The following PCDH7 variants were observed in gnomAD, a reference collection of about 807,000 sequenced individuals.
PCDH7 encodes the protein protocadherin 7.
In PCDH7, 17 loss-of-function variants were observed where a neutral mutation model predicts 58.9. The ratio of observed to expected loss-of-function variants is 0.29; its 90% CI spans 0.20 to 0.43. The LOEUF (loss-of-function observed/expected upper bound fraction) is 0.43. PCDH7 is among the 20% of genes least tolerant of loss of function. The pLI is 1.00. For missense variants in PCDH7, 1,274 were observed against 1,441.0 expected (o/e 0.88, Z 1.88); for synonymous variants, 664 against 616.4 (o/e 1.08, Z -1.14).
At chr4:30,867,771 A>G (rs983621107) in intron 1 of PCDH7, among the ~76,000 whole-genome samples, 1 of 152,076 alleles carries the variant, frequency 6.6e-6, no homozygotes, top group Non-Finnish European at 1.5e-5. Flanking sequence ...ACCTGAGGGG[A>G]AAATAGCATT....
At chr4:30,852,610 A>G (rs1020629987) in intron 1 of PCDH7, among the ~76,000 whole-genome samples, 4 of 151,974 alleles carry the variant, frequency 2.6e-5, no homozygotes, top group African/African-American at 7.2e-5. Context: ...ATTGAATCAT[A>G]ATGGTCCTTC....
At chr4:30,945,815 C>G (rs1316695872) in intron 2 of PCDH7, among the ~76,000 whole-genome samples, 2 of 152,102 alleles carry the variant, frequency 1.3e-5, no homozygotes, top group African/African-American at 4.8e-5. Context: ...TCCTTCTCTC[C>G]GTGTTGCCAA....
intron 3 of PCDH7, among the ~76,000 whole-genome samples, chr4:30,978,190 A>G (rs2109106253): frequency 1.3e-5 from 2 of 152,316 alleles, no homozygotes; most frequent in South Asian, 4.1e-4. Flanking sequence ...CATCTTATAA[A>G]CGAATCGGTA....
chr4:31,126,497 T>A (rs1313980970), intron 3 of PCDH7, among the ~76,000 whole-genome samples: 1 of 152,060 alleles, frequency 6.6e-6, no homozygotes, highest in South Asian at 2.1e-4. Flanking sequence ...GTTTTGGAGG[T>A]TATAGTACTA....
At chr4:30,866,373 ACAGATGCTTAGT>A (rs1734879603) in intron 1 of PCDH7, among the ~76,000 whole-genome samples, 1 of 152,112 alleles carries the variant, frequency 6.6e-6, no homozygotes, top group South Asian at 2.1e-4. Flanking sequence ...ATTTAAGGAA[ACAGATGCTTAGT>A]CAGCTTGTGT....
chr4:30,786,237 A>G (rs1181967532), intron 1 of PCDH7, among the ~76,000 whole-genome samples: 1 of 152,094 alleles, frequency 6.6e-6, no homozygotes, highest in Non-Finnish European at 1.5e-5. Context: ...TAATGATTGC[A>G]TTAAGAGACT....
chr4:30,940,164 T>A (rs1406814739), intron 2 of PCDH7, among the ~76,000 whole-genome samples: 2 of 151,996 alleles, frequency 1.3e-5, no homozygotes, highest in African/African-American at 4.8e-5. Flanking sequence ...TATTGAAATA[T>A]GTTTAGCCTC....
At chr4:30,766,422 T>G (rs1322828912) in intron 1 of PCDH7, among the ~76,000 whole-genome samples, 2 of 152,112 alleles carry the variant, frequency 1.3e-5, no homozygotes, top group Non-Finnish European at 2.9e-5. Flanking sequence ...TACTATTATT[T>G]TTTCTTTTGT....
intron 1 of PCDH7, among the ~76,000 whole-genome samples, chr4:30,881,332 C>T (rs1288008863): frequency 6.6e-6 from 1 of 151,906 alleles, no homozygotes; most frequent in African/African-American, 2.4e-5. Context: ...GGTGATAGAG[C>T]AAGACTCCAT....
intron 2 of PCDH7, among the ~76,000 whole-genome samples, chr4:30,926,614 GT>G (rs1294603645): frequency 6.6e-6 from 1 of 152,068 alleles, no homozygotes; most frequent in Non-Finnish European, 1.5e-5. Context: ...TTTCCAGTTA[GT>G]TTTTTTTCTT....
chr4:31,057,802 T>C (rs115212361), intron 3 of PCDH7, among the ~76,000 whole-genome samples: 2,868 of 152,180 alleles, frequency 0.019, 83 homozygotes, highest in African/African-American at 0.065. Flanking sequence ...TAAATACATA[T>C]AGCACAATCA....
At chr4:30,908,204 T>C (rs925889106) in intron 1 of PCDH7, among the ~76,000 whole-genome samples, 3 of 143,186 alleles carry the variant, frequency 2.1e-5, no homozygotes, top group Non-Finnish European at 3.0e-5. Flanking sequence ...GTAACAAACC[T>C]GCACATTGTG....
chr4:30,831,312 A>G (rs1203620520), intron 1 of PCDH7, among the ~76,000 whole-genome samples: 2 of 152,168 alleles, frequency 1.3e-5, no homozygotes, highest in Admixed American at 6.6e-5. Context: ...CCCACTCCAG[A>G]AAAGGAGCCT....
chr4:30,967,309 A>G (rs1034998668), intron 3 of PCDH7, among the ~76,000 whole-genome samples: 9 of 152,160 alleles, frequency 5.9e-5, no homozygotes, highest in Non-Finnish European at 1.2e-4. Flanking sequence ...GACTAATTAT[A>G]AAAGAGCCTA....
At chr4:30,840,808 T>C (rs1731113254) in intron 1 of PCDH7, among the ~76,000 whole-genome samples, 1 of 152,096 alleles carries the variant, frequency 6.6e-6, no homozygotes, top group Non-Finnish European at 1.5e-5. Flanking sequence ...AACTCTTCTG[T>C]TTATTTATGA....
chr4:30,905,622 A>G (rs1022028474), intron 1 of PCDH7, among the ~76,000 whole-genome samples: 3 of 152,186 alleles, frequency 2.0e-5, no homozygotes, highest in Non-Finnish European at 1.5e-5. Context: ...CAAGTGCTTA[A>G]TAAGTCTCTG....
At position 30,721,658 on chromosome 4, in the gene PCDH7, A is replaced by G. The variant is rs1349493682; in HGVS notation, c.236A>G (p.Asn79Ser). The G allele has an allele frequency of 6.2e-7, 1 of 1,613,898 alleles. No homozygotes were observed. The highest frequency in any genetic ancestry group is 2.2e-5 in the East Asian group (1 of 44,852). ...GGTTCCGAGTACCTGAAGATCGACA[A>G]CCTCACTGGCGAGCTGAGCACGAGC... The change falls in exon 1 of 2, where the codon AAC becomes AGC. Residue 79 changes from asparagine to serine, a missense_variant. Around this residue, in one of 3 missense-constraint regions of PCDH7, gnomAD observed 212 missense variants for 255.8 expected, o/e 0.83. Transcript: ENST00000361762. This position sits in a 1 kb window ranked among gnomAD's most constrained non-coding sequence, Gnocchi z 6.7.
chr4:30,993,569 C>T (rs1751630673), intron 3 of PCDH7, among the ~76,000 whole-genome samples: 1 of 152,076 alleles, frequency 6.6e-6, no homozygotes, highest in African/African-American at 2.4e-5. Context: ...CAAAAAACAG[C>T]ATTGCCATAT....
At chr4:30,960,222 A>G (rs1170843317) in intron 3 of PCDH7, among the ~76,000 whole-genome samples, 2 of 151,342 alleles carry the variant, frequency 1.3e-5, no homozygotes, top group Non-Finnish European at 2.9e-5. Flanking sequence ...CCCCAGTGCA[A>G]TTTGGAGATG....
Sources: gnomAD v4.1 joint callset for allele counts (sites outside exome capture counted in the v4.1 genomes callset) on GRCh38, gnomAD v4.1.1 for gene constraint, gnomAD v4.1.1 regional missense constraint, Gnocchi (gnomAD v3.1) non-coding constraint, MANE v1.5 for transcripts, NCBI Gene and HGNC (gene_info 2026-07-23, HGNC 2026-07-21) for gene names.